The following TENM3 variants were observed in gnomAD, a reference collection of about 807,000 sequenced individuals.
TENM3 encodes teneurin transmembrane protein 3, also known as teneurin-3.
TENM3 carries 63 observed loss-of-function variants against 255.1 expected under a neutral mutation model. The ratio of observed to expected loss-of-function variants is 0.25; its 90% CI spans 0.20 to 0.30. TENM3 has a LOEUF of 0.30. Among genes scored for constraint, TENM3 ranks in the 10% least tolerant of loss-of-function variants. TENM3 has a pLI of 1.00. For missense variants in TENM3, 2,929 were observed against 3,461.1 expected (o/e 0.85, Z 3.86); for synonymous variants, 1,306 against 1,322.3 (o/e 0.99, Z 0.27).
chr4:182,152,272 A>G (rs1037164549), intron 1 of TENM3, among the ~76,000 whole-genome samples: 2 of 151,926 alleles, frequency 1.3e-5, no homozygotes, highest in African/African-American at 2.4e-5. Context: ...TCTATCTATA[A>G]TATGTTTATA....
chr4:181,528,312 A>C, the TENM3 span, among the ~76,000 whole-genome samples: 1 of 152,208 alleles, frequency 6.6e-6, no homozygotes, highest in African/African-American at 2.4e-5. Context: ...TAAAATTATT[A>C]TTTTGATCCT....
the TENM3 span, among the ~76,000 whole-genome samples, chr4:181,869,151 CATT>C: frequency 7.6e-3 from 1,159 of 152,156 alleles, 18 homozygotes; most frequent in African/African-American, 0.027. Context: ...CATTTAGTGT[CATT>C]ATTAATCTGC....
At chr4:181,488,231 C>T in the TENM3 span, among the ~76,000 whole-genome samples, 79 of 152,308 alleles carry the variant, frequency 5.2e-4, 1 homozygote, top group Non-Finnish European at 5.9e-5. Context: ...TTTCTATACA[C>T]GTCATACACT....
At chr4:182,136,177 T>G in the TENM3 span, among the ~76,000 whole-genome samples, 1 of 152,296 alleles carries the variant, frequency 6.6e-6, no homozygotes, top group Non-Finnish European at 1.5e-5. Flanking sequence ...GTTTATTAAT[T>G]GCATTGAAAT....
At chr4:182,662,993 T>A (rs1445708224) in intron 6 of TENM3, among the ~76,000 whole-genome samples, 2 of 152,232 alleles carry the variant, frequency 1.3e-5, no homozygotes, top group Non-Finnish European at 2.9e-5. Flanking sequence ...ACAGGAAGGC[T>A]GTACTAATCT....
chr4:182,415,802 A>T (rs904220980), intron 3 of TENM3, among the ~76,000 whole-genome samples: 2 of 152,086 alleles, frequency 1.3e-5, no homozygotes, highest in African/African-American at 4.8e-5. Context: ...TTGACATGTA[A>T]TTTAGCTGCA....
chr4:181,987,506 T>G, the TENM3 span, among the ~76,000 whole-genome samples: 1 of 152,090 alleles, frequency 6.6e-6, no homozygotes, highest in Non-Finnish European at 1.5e-5. Flanking sequence ...TTGACCATTA[T>G]TCACTTGATC....
At chr4:182,429,005 T>C (rs1200231613) in intron 3 of TENM3, among the ~76,000 whole-genome samples, 1 of 152,190 alleles carries the variant, frequency 6.6e-6, no homozygotes, top group Non-Finnish European at 1.5e-5. Context: ...TTAGGAAATA[T>C]CTTTGTTTGT....
At chr4:181,979,949 C>A in the TENM3 span, among the ~76,000 whole-genome samples, 3 of 152,200 alleles carry the variant, frequency 2.0e-5, no homozygotes, top group Non-Finnish European at 4.4e-5. Flanking sequence ...GGAAGGTCCA[C>A]TAGTTATAAC....
chr4:182,496,153 A>G (rs1002875829), intron 3 of TENM3, among the ~76,000 whole-genome samples: 1 of 152,188 alleles, frequency 6.6e-6, no homozygotes, highest in African/African-American at 2.4e-5. Context: ...TAAAGGGGCC[A>G]GTCTCACTGT....
intron 5 of TENM3, among the ~76,000 whole-genome samples, chr4:182,630,981 G>A (rs1751315107): frequency 6.6e-6 from 1 of 152,056 alleles, no homozygotes; most frequent in African/African-American, 2.4e-5. Context: ...TGTGAGATCA[G>A]TCACTGTTAC....
intron 3 of TENM3, among the ~76,000 whole-genome samples, chr4:182,521,256 A>G (rs757037685): frequency 6.6e-6 from 1 of 152,232 alleles, no homozygotes; most frequent in Non-Finnish European, 1.5e-5. Context: ...TCAGAGAAGC[A>G]ACTTGATGAT....
the TENM3 span, among the ~76,000 whole-genome samples, chr4:181,592,233 C>A: frequency 2.9e-5 from 2 of 68,832 alleles, no homozygotes; most frequent in Non-Finnish European, 6.7e-5. Context: ...TCCATTATAC[C>A]TCAATAAAGC....
At chr4:181,980,838 T>TA in the TENM3 span, among the ~76,000 whole-genome samples, 1 of 152,206 alleles carries the variant, frequency 6.6e-6, no homozygotes, top group African/African-American at 2.4e-5. Context: ...TTCTGAAACT[T>TA]ACGCCTATTT....
intron 13 of TENM3, among the ~76,000 whole-genome samples, chr4:182,724,739 G>A (rs6825310): frequency 5.9e-4 from 90 of 152,326 alleles, no homozygotes; most frequent in African/African-American, 2.1e-3. Context: ...TGGCGGGGGA[G>A]AAGAGGGTAA....
At chr4:182,354,673 A>C (rs1765406398) in intron 3 of TENM3, among the ~76,000 whole-genome samples, 1 of 152,204 alleles carries the variant, frequency 6.6e-6, no homozygotes, top group African/African-American at 2.4e-5. Context: ...AGTATATTGA[A>C]ATTTTCTTAT....
chr4:182,799,830 G>A lies in TENM3; in HGVS notation c.7579G>A (p.Val2527Met), dbSNP rs774755782. 2.3e-5 allele frequency: 37 copies of A among 1,610,214 alleles called. No homozygotes were observed. The highest frequency in any genetic ancestry group is 1.2e-4 in the African/African-American group (9 of 74,878). The change falls in exon 28 of 28, where the codon GTG (valine) becomes ATG (methionine). Residue 2527 changes from valine to methionine, a missense_variant. By Grantham distance (21) the Val-to-Met change is conservative. Around this residue, in one of 6 missense-constraint regions of TENM3, gnomAD observed 476 missense variants for 480.1 expected, o/e 0.99. Transcript: ENST00000511685. This position sits in a 1 kb window ranked among gnomAD's most constrained non-coding sequence, Gnocchi z 4.2. Reference sequence around the variant, plus strand: ...CGAGGACTGCATCAAGGTGGCGGCCGTGCTCAACAACGCCTTCTACCTGGA... The same window carrying A: ...CGAGGACTGCATCAAGGTGGCGGCCATGCTCAACAACGCCTTCTACCTGGA... Reference protein sequence around the residue: ...ANEDCIKVAAVLNNAFYLENL... With the variant: ...ANEDCIKVAAMLNNAFYLENL...
At position 182,324,133 on chromosome 4, in the gene TENM3, A is replaced by C; in HGVS notation, c.113A>C (p.Gln38Pro). 7 of 1,614,040 alleles carry C rather than the reference A, an allele frequency of 4.3e-6. No homozygotes were observed. Among genetic ancestry groups the C allele is most frequent in the Non-Finnish European group, 5.9e-6 (7 of 1,179,904 alleles). Residue 38 changes from glutamine (Q) to proline (P), a missense_variant, in exon 2 of 28, where the codon CAG (glutamine) becomes CCG (proline). Coordinates refer to ENST00000511685, the MANE Select transcript of TENM3 (RefSeq NM_001080477.4). ...ADNEECRVPTQKSYSSSETLK... is the reference protein window; with the variant it reads ...ADNEECRVPTPKSYSSSETLK... ...AATGAGGAGTGCCGGGTACCCACAC[A>C]GAAGTCCTACAGTTCCAGCGAGACA...
intron 3 of TENM3, among the ~76,000 whole-genome samples, chr4:182,459,621 A>G (rs1317525998): frequency 6.6e-6 from 1 of 152,186 alleles, no homozygotes; most frequent in African/African-American, 2.4e-5. Flanking sequence ...ATTTCATACA[A>G]AGGCAAAGCT....
Sources: allele counts gnomAD v4.1 joint callset (sites outside exome capture counted in the v4.1 genomes callset), GRCh38; gene constraint gnomAD v4.1.1; regional missense constraint gnomAD v4.1.1; non-coding constraint Gnocchi (gnomAD v3.1); transcripts MANE v1.5; gene names NCBI Gene and HGNC (gene_info 2026-07-23, HGNC 2026-07-21).